The following CDH20 variants were observed in gnomAD, a reference collection of about 807,000 sequenced individuals.
CDH20 encodes cadherin 20, also known as cadherin-20.
In CDH20, 29 loss-of-function variants were observed where a neutral mutation model predicts 74.2. The observed-to-expected ratio is 0.39, with a 90% CI of 0.29 to 0.53. CDH20 has a LOEUF of 0.53. CDH20 is among the 20% of genes least tolerant of loss of function. The pLI is 0.69. For missense variants in CDH20, 988 were observed against 1,048.3 expected, an observed-to-expected ratio of 0.94 and a Z score of 0.79; for synonymous variants, 469 against 405.4, an observed-to-expected ratio of 1.16 and a Z score of -1.88.
intron 4 of CDH20, 135 bp downstream of exon 4, chr18:61,500,637 G>T: frequency 1.1e-6 from 1 of 903,652 alleles, no homozygotes; most frequent in East Asian, 2.6e-5. Flanking sequence ...CTTAGCTTTA[G>T]GATTAAGAGA....
At chr18:61,447,986 T>C (rs1909256322) in intron 1 of CDH20, among the ~76,000 whole-genome samples, 1 of 152,178 alleles carries the variant, frequency 6.6e-6, no homozygotes, top group African/African-American at 2.4e-5. Context: ...AAGGACTCAA[T>C]GCTGGTTTTG....
intron 1 of CDH20, among the ~76,000 whole-genome samples, chr18:61,370,398 A>G (rs1454800773): frequency 1.3e-5 from 2 of 152,160 alleles, no homozygotes; most frequent in African/African-American, 2.4e-5. Flanking sequence ...CTTTAGGTCC[A>G]GGTAAGTCTA....
chr18:61,461,678 A>C (rs888033404), intron 1 of CDH20, among the ~76,000 whole-genome samples: 3 of 152,174 alleles, frequency 2.0e-5, no homozygotes, highest in Non-Finnish European at 2.9e-5. Context: ...TGAAGCAACA[A>C]AGCAGAGGTT....
intron 1 of CDH20, among the ~76,000 whole-genome samples, chr18:61,440,679 G>A (rs1356469016): frequency 1.3e-5 from 2 of 152,162 alleles, no homozygotes; most frequent in Non-Finnish European, 1.5e-5. Flanking sequence ...GCGTCTCAAC[G>A]TCTGGGAGCT....
intron 1 of CDH20, among the ~76,000 whole-genome samples, chr18:61,472,716 T>G (rs991634029): frequency 1.3e-5 from 2 of 152,230 alleles, no homozygotes; most frequent in Non-Finnish European, 2.9e-5. Context: ...ATAATCATTT[T>G]AAATTATTAT....
At chr18:61,540,429 A>G (rs1239988406) in intron 9 of CDH20, among the ~76,000 whole-genome samples, 1 of 152,154 alleles carries the variant, frequency 6.6e-6, no homozygotes, top group Non-Finnish European at 1.5e-5. Flanking sequence ...TAATGGACTC[A>G]CAGTTCCACG....
chr18:61,530,423 G>T (rs148257102), intron 7 of CDH20, among the ~76,000 whole-genome samples: 183 of 152,174 alleles, frequency 1.2e-3, no homozygotes, highest in African/African-American at 4.1e-3. Flanking sequence ...ATAGTTATAT[G>T]CTGCATGGCT....
intron 1 of CDH20, chr18:61,405,276 C>A (rs573489607): frequency 2.8e-6 from 1 of 351,500 alleles, no homozygotes; most frequent in East Asian, 8.1e-5. Context: ...GCGAGAAAGG[C>A]CATTGTCAAC....
intron 1 of CDH20, among the ~76,000 whole-genome samples, chr18:61,387,230 C>T (rs183584062): frequency 5.1e-4 from 78 of 152,302 alleles, no homozygotes; most frequent in Non-Finnish European, 7.1e-4. Flanking sequence ...ATGGCAAGCA[C>T]GCCTCTCAGA....
intron 1 of CDH20, among the ~76,000 whole-genome samples, chr18:61,486,801 G>A (rs899290880): frequency 2.6e-4 from 40 of 152,108 alleles, no homozygotes; most frequent in African/African-American, 9.4e-4. Context: ...TCACGGAGTC[G>A]ACTGACTGCT....
At chr18:61,429,642 C>T (rs1428005050) in intron 1 of CDH20, among the ~76,000 whole-genome samples, 3 of 152,084 alleles carry the variant, frequency 2.0e-5, no homozygotes, top group Admixed American at 2.0e-4. Flanking sequence ...AACACTCTAC[C>T]CACCTCTTCT....
intron 9 of CDH20, among the ~76,000 whole-genome samples, chr18:61,542,917 G>C (rs1913092901): frequency 6.6e-6 from 1 of 152,168 alleles, no homozygotes; most frequent in African/African-American, 2.4e-5. Flanking sequence ...CAGGACGACT[G>C]CACCAAAACA....
At chr18:61,417,577 C>CCAAAAAAAA (rs1362637528) in intron 1 of CDH20, among the ~76,000 whole-genome samples, 6 of 6,214 alleles carry the variant, frequency 9.7e-4, no homozygotes, top group Admixed American at 2.8e-3. Flanking sequence ...GATGTGGGAG[C>CCAAAAAAAA]TAAAAAAAAA....
intron 2 of CDH20, among the ~76,000 whole-genome samples, chr18:61,493,335 A>G (rs1365881881): frequency 6.6e-6 from 1 of 152,102 alleles, no homozygotes; most frequent in Non-Finnish European, 1.5e-5. Flanking sequence ...CTCCCTGTGA[A>G]AAGACTCTTC....
intron 3 of CDH20, among the ~76,000 whole-genome samples, chr18:61,500,061 G>A (rs1054734049): frequency 1.2e-4 from 15 of 128,150 alleles, no homozygotes; most frequent in Non-Finnish European, 1.9e-4. Flanking sequence ...CTGAGATCAC[G>A]CCACTGCACT....
At chr18:61,500,320 C>A in intron 3 of CDH20, 63 bp from the exon 4 acceptor site, 1 of 1,551,392 alleles carries the variant, frequency 6.4e-7, no homozygotes, top group Admixed American at 1.8e-5. Context: ...ATGGACCGCT[C>A]AGGATTGCAT....
At chr18:61,428,402 T>C (rs1302697559) in intron 1 of CDH20, among the ~76,000 whole-genome samples, 1 of 152,172 alleles carries the variant, frequency 6.6e-6, no homozygotes. Flanking sequence ...TGGAACATCA[T>C]GGGCCATTTT....
intron 1 of CDH20, among the ~76,000 whole-genome samples, chr18:61,421,262 G>A (rs1455795794): frequency 2.0e-5 from 3 of 152,092 alleles, no homozygotes; most frequent in Non-Finnish European, 4.4e-5. Context: ...CAAAGGGATA[G>A]CAAAAATATT....
intron 5 of CDH20, among the ~76,000 whole-genome samples, chr18:61,504,862 C>T (rs940845354): frequency 1.3e-5 from 2 of 151,850 alleles, no homozygotes; most frequent in Non-Finnish European, 2.9e-5. Flanking sequence ...TACACAAAGT[C>T]CCCATGAGCA....
Sources: allele counts gnomAD v4.1 joint callset (sites outside exome capture counted in the v4.1 genomes callset), GRCh38; gene constraint gnomAD v4.1.1; transcripts MANE v1.5; gene names NCBI Gene and HGNC (gene_info 2026-07-23, HGNC 2026-07-21).